The following C10orf90 variants were observed in gnomAD, a reference collection of about 807,000 sequenced individuals.
C10orf90 encodes (E2-independent) E3 ubiquitin-conjugating enzyme FATS.
C10orf90 carries 56 observed loss-of-function variants against 62.5 expected under a neutral mutation model. The ratio of observed to expected loss-of-function variants is 0.90; its 90% CI spans 0.72 to 1.12. The LOEUF is 1.12. Among genes scored for constraint, C10orf90 ranks in the 50% most tolerant of loss-of-function variants. The pLI is 0.00. For synonymous variants in C10orf90, 386 were observed against 340.4 expected (o/e 1.13, Z -1.47); for missense variants, 970 against 880.4 (o/e 1.10, Z -1.29).
intron 4 of C10orf90, among the ~76,000 whole-genome samples, chr10:126,502,372 A>G (rs939127774): frequency 1.3e-5 from 2 of 152,178 alleles, no homozygotes; most frequent in African/African-American, 4.8e-5. Context: ...AATCTTTGGG[A>G]TCTGTGCTTT....
chr10:126,563,849 C>T (rs540648124), intron 2 of C10orf90, among the ~76,000 whole-genome samples: 1 of 152,316 alleles, frequency 6.6e-6, no homozygotes, highest in Non-Finnish European at 1.5e-5. Flanking sequence ...GCCCTGCCTT[C>T]AAGTGGCTCA....
At chr10:126,526,023 A>AAC (rs3040780) in intron 2 of C10orf90, among the ~76,000 whole-genome samples, 12,152 of 138,856 alleles carry the variant, frequency 0.088, 649 homozygotes, top group African/African-American at 0.16. Context: ...CACCTGCCAC[A>AAC]ACACACACAC....
At chr10:126,645,330 G>A (rs1564907234) in intron 2 of C10orf90, among the ~76,000 whole-genome samples, 1 of 151,664 alleles carries the variant, frequency 6.6e-6, no homozygotes, top group Non-Finnish European at 1.5e-5. Context: ...CACTTTGGGA[G>A]GCTGAGGTGA....
intron 2 of C10orf90, among the ~76,000 whole-genome samples, chr10:126,614,814 T>G (rs1156899319): frequency 6.6e-6 from 1 of 152,176 alleles, no homozygotes; most frequent in African/African-American, 2.4e-5. Flanking sequence ...TTGGATAACA[T>G]GGGAGATTAT....
intron 2 of C10orf90, among the ~76,000 whole-genome samples, chr10:126,561,266 C>G (rs1367058373): frequency 6.6e-6 from 1 of 152,212 alleles, no homozygotes; most frequent in Non-Finnish European, 1.5e-5. Context: ...TGTGGGCCCT[C>G]AACCTCTAAT....
At chr10:126,452,318 A>G (rs1206457818) in intron 7 of C10orf90, among the ~76,000 whole-genome samples, 2 of 152,154 alleles carry the variant, frequency 1.3e-5, no homozygotes, top group Non-Finnish European at 2.9e-5. Context: ...TCACCATAAA[A>G]CAGCTACATC....
chr10:126,492,269 A>G (rs1564830044), intron 4 of C10orf90, among the ~76,000 whole-genome samples: 1 of 152,228 alleles, frequency 6.6e-6, no homozygotes, highest in Non-Finnish European at 1.5e-5. Flanking sequence ...AGGCTCTACC[A>G]GCATCTAATG....
At chr10:126,553,014 C>T (rs1386107528) in intron 2 of C10orf90, among the ~76,000 whole-genome samples, 9 of 152,146 alleles carry the variant, frequency 5.9e-5, no homozygotes, top group Non-Finnish European at 5.9e-5. Flanking sequence ...ACACAAATCA[C>T]TTCCACATAA....
chr10:126,649,077 C>CT (rs1554932161), intron 1 of C10orf90, among the ~76,000 whole-genome samples: 12 of 118,080 alleles, frequency 1.0e-4, no homozygotes, highest in Non-Finnish European at 1.6e-4. Flanking sequence ...TCTCTCCCCC[C>CT]CCCCCAGCAA....
rs542371567 is a variant in C10orf90 at position 126,531,217 on chromosome 10, A to T, written c.314-17278T>A. On this transcript the variant is annotated intron_variant, in intron 2 of 9. Coordinates refer to ENST00000488181, the MANE Select transcript of C10orf90 (RefSeq NM_001350921.2). The stretch of plus-strand genomic sequence containing the variant: ...GAAAAAAGAAAATTACAGATCAAAG[A>T]TCTCTCATGAACATAGATCAACAGC... 8.5e-5 allele frequency among the ~76,000 whole-genome samples: 13 copies of T among 152,064 alleles called. No homozygotes were observed. In the South Asian group the frequency reaches 2.7e-3, roughly 32 times the overall value.
chr10:126,649,012 A>ATCTCTCTC (rs1297405536), intron 1 of C10orf90, among the ~76,000 whole-genome samples: 2 of 127,506 alleles, frequency 1.6e-5, no homozygotes, highest in Non-Finnish European at 3.3e-5. Flanking sequence ...CACAGATGAT[A>ATCTCTCTC]TCTCTCTCTC....
intron 1 of C10orf90, among the ~76,000 whole-genome samples, chr10:126,666,192 G>C (rs1455880708): frequency 1.3e-5 from 2 of 152,238 alleles, no homozygotes; most frequent in East Asian, 3.9e-4. Context: ...CTGCATCTCT[G>C]GCCTCTACCC....
chr10:126,521,636 G>T (rs1341092371), intron 2 of C10orf90, among the ~76,000 whole-genome samples: 1 of 152,138 alleles, frequency 6.6e-6, no homozygotes, highest in Non-Finnish European at 1.5e-5. Flanking sequence ...GTTTGCATGA[G>T]AGTTATTTAA....
At chr10:126,547,997 T>C (rs759604965) in intron 2 of C10orf90, among the ~76,000 whole-genome samples, 1 of 152,028 alleles carries the variant, frequency 6.6e-6, no homozygotes, top group African/African-American at 2.4e-5. Flanking sequence ...CTTTTGAAAT[T>C]TGAAAAGAGA....
intron 4 of C10orf90, among the ~76,000 whole-genome samples, chr10:126,475,959 G>A (rs2133784350): frequency 6.6e-6 from 1 of 152,230 alleles, no homozygotes; most frequent in Admixed American, 6.5e-5. Context: ...TTGGTGCTTT[G>A]TGGGCTGGGG....
intron 1 of C10orf90, among the ~76,000 whole-genome samples, chr10:126,665,337 C>G (rs1194170549): frequency 6.6e-6 from 1 of 152,140 alleles, no homozygotes; most frequent in African/African-American, 2.4e-5. Flanking sequence ...TGTTTTGCAC[C>G]TTTTGATAAC....
intron 7 of C10orf90, among the ~76,000 whole-genome samples, chr10:126,451,634 A>G (rs1859199173): frequency 1.3e-5 from 2 of 152,008 alleles, no homozygotes; most frequent in East Asian, 1.9e-4. Context: ...TATCACATAT[A>G]TGTATAATGT....
chr10:126,509,921 G>C (rs909449706), intron 3 of C10orf90, among the ~76,000 whole-genome samples: 3 of 152,180 alleles, frequency 2.0e-5, no homozygotes, highest in Non-Finnish European at 4.4e-5. Flanking sequence ...AACTGAACTA[G>C]TTTTCTCAGT....
At chr10:126,620,923 T>C (rs1307308854) in intron 2 of C10orf90, among the ~76,000 whole-genome samples, 1 of 152,206 alleles carries the variant, frequency 6.6e-6, no homozygotes, top group Non-Finnish European at 1.5e-5. Flanking sequence ...TGGTCTTTAT[T>C]TTATATGCAT....
Sources: allele counts gnomAD v4.1 joint callset (sites outside exome capture counted in the v4.1 genomes callset), GRCh38; gene constraint gnomAD v4.1.1; transcripts MANE v1.5; gene names NCBI Gene and HGNC (gene_info 2026-07-23, HGNC 2026-07-21).